CNTNAP5: variants seen among roughly 807,000 people sequenced by gnomAD.
The protein encoded by CNTNAP5 is contactin-associated protein-like 5.
In CNTNAP5, 72 loss-of-function variants were observed where a neutral mutation model predicts 150.2. That is an observed-to-expected ratio of 0.48 (90% confidence interval 0.40 to 0.58). The LOEUF (loss-of-function observed/expected upper bound fraction) is 0.58, where lower values mean the gene tolerates loss of function less well. Among genes scored for constraint, CNTNAP5 ranks in the 20% least tolerant of loss-of-function variants. The pLI is 0.00. For missense variants in CNTNAP5, 1,636 were observed against 1,626.2 expected, an observed-to-expected ratio of 1.01 and a Z score of -0.10; for synonymous variants, 672 against 619.8, an observed-to-expected ratio of 1.08 and a Z score of -1.25.
intron 13 of CNTNAP5, among the ~76,000 whole-genome samples, chr2:124,677,572 C>T (rs1422295441): frequency 6.6e-6 from 1 of 152,172 alleles, no homozygotes; most frequent in Non-Finnish European, 1.5e-5. Context: ...TAGCTAGACA[C>T]AGAGCACTGA....
intron 13 of CNTNAP5, among the ~76,000 whole-genome samples, chr2:124,707,176 A>AGAAGAAGAAGAAGAAGAAGAAGAAGAT (rs1679704156): frequency 8.2e-6 from 1 of 121,526 alleles, no homozygotes; most frequent in South Asian, 3.0e-4. Context: ...AAGAAGAAGA[A>AGAAGAAGAAGAAGAAGAAGAAGAAGAT]GAAGAAGAAG....
chr2:124,888,653 G>A (rs1428566607), intron 21 of CNTNAP5, among the ~76,000 whole-genome samples: 2 of 152,062 alleles, frequency 1.3e-5, no homozygotes, highest in East Asian at 1.9e-4. Flanking sequence ...ATTCATATGA[G>A]ATGGTATCTC....
At chr2:124,476,231 C>A (rs188276524) in intron 7 of CNTNAP5, among the ~76,000 whole-genome samples, 217 of 152,120 alleles carry the variant, frequency 1.4e-3, no homozygotes, top group African/African-American at 5.1e-3. Flanking sequence ...TATTTAGAAC[C>A]ATTTCAAGTG....
chr2:124,460,999 A>C (rs186669035), intron 6 of CNTNAP5, among the ~76,000 whole-genome samples: 1 of 152,312 alleles, frequency 6.6e-6, no homozygotes, highest in African/African-American at 2.4e-5. Context: ...ACCAGTTAAA[A>C]TGGCAATCAT....
intron 1 of CNTNAP5, among the ~76,000 whole-genome samples, chr2:124,064,182 T>C (rs570683231): frequency 6.6e-6 from 1 of 152,110 alleles, no homozygotes; most frequent in East Asian, 1.9e-4. Flanking sequence ...CAAATCCCCC[T>C]GTATTAAGTG....
chr2:124,154,215 C>G (rs1684472956), intron 1 of CNTNAP5, among the ~76,000 whole-genome samples: 1 of 152,066 alleles, frequency 6.6e-6, no homozygotes, highest in South Asian at 2.1e-4. Flanking sequence ...CCTGGTTATT[C>G]TATGTCTGAG....
At chr2:124,273,112 T>C (rs1481004214) in intron 3 of CNTNAP5, among the ~76,000 whole-genome samples, 1 of 152,206 alleles carries the variant, frequency 6.6e-6, no homozygotes, top group East Asian at 1.9e-4. Context: ...TTAAATAAGA[T>C]AAAGTGTGCA....
chr2:124,260,420 G>T (rs1231134784), intron 3 of CNTNAP5, among the ~76,000 whole-genome samples: 2 of 152,138 alleles, frequency 1.3e-5, no homozygotes, highest in African/African-American at 4.8e-5. Flanking sequence ...ATCCCTAGAA[G>T]AAAACCTGGG....
chr2:124,728,364 T>C (rs1680204052), intron 13 of CNTNAP5, among the ~76,000 whole-genome samples: 1 of 152,010 alleles, frequency 6.6e-6, no homozygotes, highest in Non-Finnish European at 1.5e-5. Context: ...GGATTGACAC[T>C]AGTTCTTTAA....
intron 17 of CNTNAP5, among the ~76,000 whole-genome samples, chr2:124,787,487 A>G (rs759034114): frequency 6.6e-5 from 10 of 152,188 alleles, no homozygotes; most frequent in Non-Finnish European, 1.0e-4. Context: ...CACATATTGT[A>G]TTCTATAAAT....
chr2:124,065,037 G>A (rs372908409), intron 1 of CNTNAP5, among the ~76,000 whole-genome samples: 19 of 152,104 alleles, frequency 1.2e-4, no homozygotes, highest in African/African-American at 4.1e-4. Context: ...CCTCGTTTGT[G>A]TTGTTCACTG....
chr2:124,290,866 C>A (rs1040534881), intron 3 of CNTNAP5, among the ~76,000 whole-genome samples: 1 of 149,028 alleles, frequency 6.7e-6, no homozygotes. Flanking sequence ...CAAGTCTCAT[C>A]TTCCTTCCTT....
At chr2:124,290,479 C>T (rs532023484) in intron 3 of CNTNAP5, among the ~76,000 whole-genome samples, 1 of 152,230 alleles carries the variant, frequency 6.6e-6, no homozygotes, top group South Asian at 2.1e-4. Context: ...AAGTCATCTT[C>T]AACTGCCAGG....
chr2:124,383,663 A>T (rs2104740606), intron 3 of CNTNAP5, among the ~76,000 whole-genome samples: 1 of 152,304 alleles, frequency 6.6e-6, no homozygotes, highest in South Asian at 2.1e-4. Context: ...ACTAGCAAAA[A>T]TTGCAAGGCT....
intron 11 of CNTNAP5, among the ~76,000 whole-genome samples, chr2:124,575,864 T>C (rs1696271831): frequency 6.6e-6 from 1 of 152,186 alleles, no homozygotes; most frequent in Non-Finnish European, 1.5e-5. Context: ...CTTATATCCA[T>C]TCCTTATTGA....
chr2:124,228,011 A>G (rs1558810176), intron 2 of CNTNAP5, among the ~76,000 whole-genome samples: 2 of 152,074 alleles, frequency 1.3e-5, no homozygotes, highest in Non-Finnish European at 2.9e-5. Context: ...GGAGGCCAAG[A>G]AGTCCCAGGA....
intron 7 of CNTNAP5, among the ~76,000 whole-genome samples, chr2:124,480,722 T>G (rs957661609): frequency 2.0e-5 from 3 of 152,212 alleles, no homozygotes; most frequent in African/African-American, 7.2e-5. Flanking sequence ...GAAGGAATCA[T>G]TTGAAAAAGC....
At chr2:124,054,655 G>T (rs1681797716) in intron 1 of CNTNAP5, among the ~76,000 whole-genome samples, 2 of 152,164 alleles carry the variant, frequency 1.3e-5, no homozygotes, top group Admixed American at 6.6e-5. Context: ...TACTATAGCA[G>T]ATCTCAGCCC....
chr2:124,062,527 C>T (rs532708371), intron 1 of CNTNAP5, among the ~76,000 whole-genome samples: 5 of 152,284 alleles, frequency 3.3e-5, no homozygotes, highest in Admixed American at 2.6e-4. Flanking sequence ...CTCTGTTAAA[C>T]CATTACCTCA....
Sources: gnomAD v4.1 joint callset for allele counts (sites outside exome capture counted in the v4.1 genomes callset) on GRCh38, gnomAD v4.1.1 for gene constraint, MANE v1.5 for transcripts, NCBI Gene and HGNC (gene_info 2026-07-23, HGNC 2026-07-21) for gene names.